The following GOLGA2 variants were observed in gnomAD, a reference collection of about 807,000 sequenced individuals.
GOLGA2 encodes golgin subfamily A member 2.
In GOLGA2, 49 loss-of-function variants were observed where a neutral mutation model predicts 148.8. That is an observed-to-expected ratio of 0.33 (90% confidence interval 0.26 to 0.42). The LOEUF (loss-of-function observed/expected upper bound fraction) is 0.42. Among genes scored for constraint, GOLGA2 ranks in the 10% least tolerant of loss-of-function variants. GOLGA2 has a pLI of 1.00. For synonymous variants in GOLGA2, 501 were observed against 511.8 expected (o/e 0.98, Z 0.28); for missense variants, 1,178 against 1,304.6 (o/e 0.90, Z 1.49).
In GOLGA2 at chr9:128,271,857, A is replaced by G. The variant is rs1830968937; in HGVS notation, c.288+928T>C. 6.6e-6 allele frequency among the ~76,000 whole-genome samples: 1 copy of G among 152,132 alleles called. No homozygotes were observed. On this transcript the variant is annotated intron_variant, in intron 3 of 26. Coordinates refer to ENST00000611957, the MANE Select transcript of GOLGA2 (RefSeq NM_001366244.2). This position sits in a 1 kb window ranked among gnomAD's most constrained non-coding sequence, Gnocchi z 4.4. ...CTTTGTTGTCAAGAGCCCAATGAAT[A>G]TGGCTAAATGTCCATTTGGAGAGAT...
At position 128,260,904 on chromosome 9, in the gene GOLGA2, A is replaced by C; in HGVS notation, c.1421-102T>G. On this transcript the variant is annotated intron_variant, in intron 17 of 26. Transcript: ENST00000611957. This position sits in a 1 kb window ranked among gnomAD's most constrained non-coding sequence, Gnocchi z 4.8. ...CTCCCCAAACTTGGCCTCCCTGCTG[A>C]TGATTCCTCGCACCCGGATGTTAGC... 1 of 821,906 alleles carries C rather than the reference A, an allele frequency of 1.2e-6. No individual in the cohort carries two copies. Among genetic ancestry groups the C allele is most frequent in the Non-Finnish European group, 1.9e-6 (1 of 526,068 alleles). 50.9% of individuals were successfully genotyped at this position (821,906 alleles called of 1,614,324 possible).
Position 128,256,837 on chromosome 9 carries a change from TATCCCATAACTTTTTTTA to T in GOLGA2, c.*212_*229del. On this transcript the variant is annotated 3_prime_UTR_variant, in exon 27 of 27. Transcript: ENST00000611957. ...ACCATAAGTTACCCATAACCTTTTT[TATCCCATAACTTTTTTTA>T]ATCCCATAACTTTTAATTTTTTTTT... 2.5e-6 allele frequency: 1 copy of T among 395,502 alleles called. No individual in the cohort carries two copies. The highest frequency in any genetic ancestry group is 4.5e-6 in the Non-Finnish European group (1 of 220,976). The allele number at this position is 395,502 out of a possible 1,614,324, so 24.5% of individuals were successfully genotyped here.
At position 128,266,206 on chromosome 9, in the gene GOLGA2, G is replaced by A. The variant is rs1830587555; in HGVS notation, c.681+81C>T. On this transcript the variant is annotated intron_variant, in intron 9 of 26. Coordinates refer to ENST00000611957, the MANE Select transcript of GOLGA2 (RefSeq NM_001366244.2). The surrounding 1 kb of genome is among the most constrained non-coding windows in gnomAD (Gnocchi z 4.2). ...CTTCTTCCCCAGGCTGGGAGTGGGT[G>A]AGACGAGACTGAGGCCTCTACATTT... is the stretch of plus-strand genomic sequence containing the variant. 5.0e-6 allele frequency: 7 copies of A among 1,398,022 alleles called. No homozygotes were observed. The highest frequency in any genetic ancestry group is 7.1e-6 in the Non-Finnish European group (7 of 984,210). 86.6% of individuals were successfully genotyped at this position (1,398,022 alleles called of 1,614,324 possible). A position where few individuals can be genotyped will look rare whatever the true frequency, so the allele number is the denominator to read the frequency against.
chr9:128,261,815 G>C lies in GOLGA2; in HGVS notation c.1135-58C>G. ...GGGAGCCCAGGCCGTTCCAAATAGT[G>C]CCCCTTAAAAGGGCTAGGGCTAGGC... On this transcript the variant is annotated intron_variant, in intron 14 of 26. Coordinates refer to ENST00000611957, the MANE Select transcript of GOLGA2 (RefSeq NM_001366244.2). This position sits in a 1 kb window ranked among gnomAD's most constrained non-coding sequence, Gnocchi z 5.7. 3 of 1,138,352 alleles carry C rather than the reference G, an allele frequency of 2.6e-6. No homozygotes were observed. In the African/African-American group the frequency reaches 4.5e-5, roughly 17 times the overall value. The allele number at this position is 1,138,352 out of a possible 1,614,324, so 70.5% of individuals were successfully genotyped here. A position where few individuals can be genotyped will look rare whatever the true frequency, so the allele number is the denominator to read the frequency against.
chr9:128,263,199 C>G (rs1255596209), intron 12 of GOLGA2, 107 bp from the exon 13 acceptor site: 12 of 754,426 alleles, frequency 1.6e-5, no homozygotes, highest in Non-Finnish European at 2.9e-5. Flanking sequence ...TCCTCACTCT[C>G]AATCACACTT....
In GOLGA2 at chr9:128,265,818, G is replaced by T; in HGVS notation, c.796C>A (p.His266Asn). The change falls in exon 11 of 27, where the codon CAC becomes AAC. Residue 266 changes from histidine to asparagine, a missense_variant. His to Asn is a moderately conservative substitution (Grantham distance 68). This residue lies in a region of GOLGA2 where 304 missense variants were observed against 404.1 expected (regional missense o/e 0.75). Coordinates refer to ENST00000611957, the MANE Select transcript of GOLGA2 (RefSeq NM_001366244.2). ...TTCTGCCTGGCAGCATGCTGAGTGT[G>T]AGCCAGGGCTGTCTGTAACTCAGCT... ...EKAELQTALA[H>N]TQHAARQKEG... 1 of 1,613,856 alleles carries T rather than the reference G, an allele frequency of 6.2e-7. No homozygotes were observed. The highest frequency in any genetic ancestry group is 1.3e-5 in the African/African-American group (1 of 75,048).
At chr9:128,272,900 G>A (rs1353374392) in intron 2 of GOLGA2, 35 bp from the exon 3 acceptor site, 3 of 920,528 alleles carry the variant, frequency 3.3e-6, no homozygotes, top group Non-Finnish European at 4.6e-6. Context: ...CAAGGGCAGG[G>A]GGAGAAAGGT....
chr9:128,266,921 A>G lies in GOLGA2; in HGVS notation c.642+273T>C, dbSNP rs1830624958. 9.1e-6 allele frequency: 5 copies of G among 547,588 alleles called. No homozygotes were observed. The allele number at this position is 547,588 out of a possible 1,614,324, so 33.9% of individuals were successfully genotyped here. A position where few individuals can be genotyped will look rare whatever the true frequency, so the allele number is the denominator to read the frequency against. Reference sequence around the variant, plus strand: ...AGGGCTCCTGACAACCAGTCAGGCTAGCGCTTCCCCAAGAGGCAACAACCC... The same window carrying G: ...AGGGCTCCTGACAACCAGTCAGGCTGGCGCTTCCCCAAGAGGCAACAACCC... On this transcript the variant is annotated intron_variant, in intron 8 of 26. Transcript: ENST00000611957. This position sits in a 1 kb window ranked among gnomAD's most constrained non-coding sequence, Gnocchi z 4.2.
At chr9:128,262,737 C>T (rs373704007) in intron 13 of GOLGA2, 33 bp from the exon 14 acceptor site, 15 of 1,599,982 alleles carry the variant, frequency 9.4e-6, no homozygotes, top group Middle Eastern at 2.0e-4. Context: ...AAGGAATGAA[C>T]GAAGAACAGA....
At position 128,258,098 on chromosome 9, in the gene GOLGA2, T is replaced by A. The variant is rs1483146125; in HGVS notation, c.2390A>T (p.His797Leu). 1 of 1,610,110 alleles carries A rather than the reference T, an allele frequency of 6.2e-7. No individual in the cohort carries two copies. Among genetic ancestry groups the A allele is most frequent in the Non-Finnish European group, 8.5e-7 (1 of 1,179,746 alleles). ...CTCCTTCTGGGCCGAGGCCAGCAGG[T>A]GAGCCAGGCGCCGGCAGCGCACCCT... is the stretch of plus-strand genomic sequence containing the variant. Reference protein sequence around the residue: ...EQRVRCRRLAHLLASAQKEPE... With the variant: ...EQRVRCRRLALLLASAQKEPE... Residue 797 changes from histidine (H) to leucine (L), a missense_variant, in exon 23 of 27, where the codon CAC (histidine) becomes CTC (leucine). This residue lies in a region of GOLGA2 where 529 missense variants were observed against 521.8 expected (regional missense o/e 1.01). Coordinates refer to ENST00000611957, the MANE Select transcript of GOLGA2 (RefSeq NM_001366244.2). This position sits in a 1 kb window ranked among gnomAD's most constrained non-coding sequence, Gnocchi z 6.6.
chr9:128,262,793 C>T, intron 13 of GOLGA2, 89 bp from the exon 14 acceptor site: 2 of 1,281,398 alleles, frequency 1.6e-6, no homozygotes, highest in African/African-American at 1.5e-5. Context: ...CCCACAACCA[C>T]AGAACTGTGG....
intron 12 of GOLGA2, 49 bp from the exon 13 acceptor site, chr9:128,263,141 C>T (rs1830378860): frequency 3.4e-6 from 4 of 1,179,562 alleles, no homozygotes; most frequent in Non-Finnish European, 5.1e-6. Flanking sequence ...AGAGGAGCAG[C>T]TGGCCAACCA....
At position 128,256,481 on chromosome 9, in the gene GOLGA2, C is replaced by G. The variant is rs1047677864; in HGVS notation, c.*586G>C. On this transcript the variant is annotated 3_prime_UTR_variant, in exon 27 of 27. Transcript: ENST00000611957. ...TGGCCTGCTTTTTAAAATTTTTATCCTGACTTTCTTTAATCCCATAACTTT... is the reference window on the plus strand; with the variant it reads ...TGGCCTGCTTTTTAAAATTTTTATCGTGACTTTCTTTAATCCCATAACTTT... 2.6e-5 allele frequency: 4 copies of G among 151,890 alleles called. No individual in the cohort carries two copies. The highest frequency in any genetic ancestry group is 4.4e-5 in the Non-Finnish European group (3 of 67,998). 9.4% of individuals were successfully genotyped at this position (151,890 alleles called of 1,614,324 possible).
chr9:128,267,511 T>C lies in GOLGA2; in HGVS notation c.508A>G (p.Thr170Ala). The change falls in exon 7 of 27, where the codon ACA becomes GCA. Residue 170 changes from threonine to alanine, a missense_variant. Around this residue, in one of 5 missense-constraint regions of GOLGA2, gnomAD observed 304 missense variants for 404.1 expected, o/e 0.75. Transcript: ENST00000611957. ...GCAGGGCCCTCCCCATTGACACATG[T>C]CGCAGACTATAAGAGACGAGAGTGC... Reference protein sequence around the residue: ...QLNGLVCESATCVNGEGPASS... With the variant: ...QLNGLVCESAACVNGEGPASS... 1.2e-6 allele frequency: 2 copies of C among 1,612,130 alleles called. No individual in the cohort carries two copies. Among genetic ancestry groups the C allele is most frequent in the Non-Finnish European group, 1.7e-6 (2 of 1,178,170 alleles).
intron 1 of GOLGA2, chr9:128,275,275 C>T (rs963661): frequency 4.5e-6 from 3 of 662,872 alleles, no homozygotes; most frequent in Non-Finnish European, 7.2e-6. Flanking sequence ...GGGATGAGAA[C>T]ACTTAGGGGA....
chr9:128,275,926 G>C lies in GOLGA2; in HGVS notation c.51C>G (p.Thr17=). 1 of 1,592,944 alleles carries C rather than the reference G, an allele frequency of 6.3e-7. No homozygotes were observed. Among genetic ancestry groups the C allele is most frequent in the Non-Finnish European group, 8.5e-7 (1 of 1,170,712 alleles). Residue 17 remains threonine (T), a synonymous_variant, in exon 1 of 27, where the codon ACC becomes ACG. Coordinates refer to ENST00000611957, the MANE Select transcript of GOLGA2 (RefSeq NM_001366244.2). ...TCGCTGCGGCCAATTTGCTCTGTCG[G>C]GTTTCTTCCGACATCGCGGGGCGGG... ...LPPRPAMSEE[T]RQSKLAAAKK... is the part of the protein sequence containing the mutation.
In GOLGA2 at chr9:128,260,061, A is replaced by G; in HGVS notation, c.1872+15T>C. The G allele has an allele frequency of 1.9e-6, 3 of 1,568,314 alleles. No homozygotes were observed. Among genetic ancestry groups the G allele is most frequent in the Middle Eastern group, 1.8e-4 (1 of 5,564 alleles). Reference sequence around the variant, plus strand: ...GTGCCCGCCTCCCAGCCCTTCTTGGATGGGGCGGGGTTACCGTTTCCTTCA... The same window carrying G: ...GTGCCCGCCTCCCAGCCCTTCTTGGGTGGGGCGGGGTTACCGTTTCCTTCA... On this transcript the variant is annotated intron_variant, in intron 19 of 26. Coordinates refer to ENST00000611957, the MANE Select transcript of GOLGA2 (RefSeq NM_001366244.2). The surrounding 1 kb of genome is among the most constrained non-coding windows in gnomAD (Gnocchi z 4.8).
In GOLGA2 at chr9:128,260,351, T is replaced by G. The variant is rs556783958; in HGVS notation, c.1758+114A>C. 1.0e-5 allele frequency: 11 copies of G among 1,089,682 alleles called. No individual in the cohort carries two copies. In the South Asian group the frequency reaches 1.4e-4, roughly 14 times the overall value. The allele number at this position is 1,089,682 out of a possible 1,614,324, so 67.5% of individuals were successfully genotyped here. ...TCGGAGCAGGGCTCTGGCTCACAGATGCCTCCAGAAGTACCATTTCAAGTG... is the reference window on the plus strand; with the variant it reads ...TCGGAGCAGGGCTCTGGCTCACAGAGGCCTCCAGAAGTACCATTTCAAGTG... On this transcript the variant is annotated intron_variant, in intron 18 of 26. Coordinates refer to ENST00000611957, the MANE Select transcript of GOLGA2 (RefSeq NM_001366244.2). The surrounding 1 kb of genome is among the most constrained non-coding windows in gnomAD (Gnocchi z 4.8).
intron 3 of GOLGA2, 27 bp from the exon 4 acceptor site, chr9:128,268,551 G>C: frequency 7.5e-7 from 1 of 1,339,136 alleles, no homozygotes; most frequent in Admixed American, 1.7e-5. Flanking sequence ...CAGGGGGTTA[G>C]GGGGCCATGC....
Sources: gnomAD v4.1 joint callset for allele counts (sites outside exome capture counted in the v4.1 genomes callset) on GRCh38, gnomAD v4.1.1 for gene constraint, gnomAD v4.1.1 regional missense constraint, Gnocchi (gnomAD v3.1) non-coding constraint, MANE v1.5 for transcripts, NCBI Gene and HGNC (gene_info 2026-07-23, HGNC 2026-07-21) for gene names.